Variants in WWOX observed in about 807,000 individuals in gnomAD.
The protein encoded by WWOX is WW domain containing oxidoreductase.
Under a neutral mutation model 46.2 loss-of-function variants are expected in WWOX, and 69 were observed. The ratio of observed to expected loss-of-function variants is 1.49; its 90% CI spans 1.23 to 1.82. WWOX has a LOEUF of 1.82. WWOX is among the 40% of genes most tolerant of loss of function. The pLI, the probability that WWOX is intolerant of heterozygous loss-of-function variation, is 0.00. For missense variants in WWOX, 919 were observed against 542.6 expected, an observed-to-expected ratio of 1.69 and a Z score of -6.89; for synonymous variants, 359 against 202.6, an observed-to-expected ratio of 1.77 and a Z score of -6.56.
intron 8 of WWOX, among the ~76,000 whole-genome samples, chr16:78,444,692 G>A (rs7192132): frequency 0.065 from 9,884 of 151,772 alleles, 503 homozygotes; most frequent in South Asian, 0.16. Flanking sequence ...CACCACACCC[G>A]GCTAATTTTT....
intron 6 of WWOX, among the ~76,000 whole-genome samples, chr16:78,419,446 TAATAA>T (rs1253951444): frequency 6.6e-6 from 1 of 151,902 alleles, no homozygotes; most frequent in African/African-American, 2.4e-5. Flanking sequence ...GATCTATAGA[TAATAA>T]AATAGACTTG....
chr16:78,152,660 C>G (rs937093881), intron 4 of WWOX, among the ~76,000 whole-genome samples: 1 of 150,226 alleles, frequency 6.7e-6, no homozygotes, highest in Non-Finnish European at 1.5e-5. Context: ...TCATTCCTAA[C>G]CAGGACTGTC....
chr16:78,244,826 C>T (rs1272884151), intron 5 of WWOX, among the ~76,000 whole-genome samples: 2 of 152,156 alleles, frequency 1.3e-5, no homozygotes, highest in African/African-American at 4.8e-5. Context: ...TTTCTTTCCC[C>T]CTTGGAGTTC....
At chr16:78,705,396 A>G (rs377195220) in intron 8 of WWOX, among the ~76,000 whole-genome samples, 9 of 152,344 alleles carry the variant, frequency 5.9e-5, no homozygotes, top group African/African-American at 2.2e-4. Context: ...TGGGGAGAAT[A>G]TAAAAACAAG....
At chr16:78,687,502 C>T (rs1029856288) in intron 8 of WWOX, among the ~76,000 whole-genome samples, 1 of 152,096 alleles carries the variant, frequency 6.6e-6, no homozygotes, top group African/African-American at 2.4e-5. Context: ...CTTCTCAGGG[C>T]GTCCTAATTG....
chr16:78,201,701 A>G (rs1015672531), intron 5 of WWOX, among the ~76,000 whole-genome samples: 2 of 150,716 alleles, frequency 1.3e-5, no homozygotes, highest in African/African-American at 4.9e-5. Flanking sequence ...TTATTTATTT[A>G]TTTATTTATT....
At chr16:79,008,495 AAG>A (rs1410363212) in intron 8 of WWOX, among the ~76,000 whole-genome samples, 3 of 152,056 alleles carry the variant, frequency 2.0e-5, no homozygotes, top group South Asian at 2.1e-4. Context: ...GCCCACACTC[AAG>A]AGAGGGGATT....
At chr16:78,186,670 C>T (rs925877122) in intron 5 of WWOX, among the ~76,000 whole-genome samples, 1 of 152,170 alleles carries the variant, frequency 6.6e-6, no homozygotes, top group Non-Finnish European at 1.5e-5. Context: ...GAGGCTGAGG[C>T]AGGAGAATTG....
chr16:78,686,851 C>A (rs2047873277), intron 8 of WWOX, among the ~76,000 whole-genome samples: 1 of 152,168 alleles, frequency 6.6e-6, no homozygotes, highest in South Asian at 2.1e-4. Context: ...GAAACTCACC[C>A]AGGAAGGCAG....
chr16:78,811,629 C>T (rs188647998), intron 8 of WWOX, among the ~76,000 whole-genome samples: 247 of 152,154 alleles, frequency 1.6e-3, no homozygotes, highest in African/African-American at 5.7e-3. Context: ...CCTCAGTCTC[C>T]CAAAGTGCTG....
At chr16:78,797,694 A>C (rs2050780046) in intron 8 of WWOX, among the ~76,000 whole-genome samples, 1 of 152,204 alleles carries the variant, frequency 6.6e-6, no homozygotes. Context: ...CTCCAGGCAA[A>C]AATCCACTGG....
intron 8 of WWOX, among the ~76,000 whole-genome samples, chr16:79,193,592 T>C (rs2051179894): frequency 1.3e-5 from 2 of 152,202 alleles, no homozygotes; most frequent in South Asian, 4.1e-4. Flanking sequence ...TCTCTGTGGA[T>C]AAAGTAAGCG....
intron 8 of WWOX, among the ~76,000 whole-genome samples, chr16:79,126,013 G>C (rs1279611344): frequency 2.0e-5 from 3 of 152,178 alleles, no homozygotes; most frequent in Non-Finnish European, 4.4e-5. Context: ...GTGCTTAGTA[G>C]ATGTTTACTG....
At chr16:78,705,304 G>T (rs1039641933) in intron 8 of WWOX, among the ~76,000 whole-genome samples, 1 of 152,112 alleles carries the variant, frequency 6.6e-6, no homozygotes, top group Non-Finnish European at 1.5e-5. Context: ...TATATTCATT[G>T]TTGCTTCCGG....
At position 79,211,958 on chromosome 16, in the gene WWOX, G is replaced by C. The variant is rs183921789; in HGVS notation, c.*162G>C. 544 of 1,536,214 alleles carry C rather than the reference G, an allele frequency of 3.5e-4. 3 individuals carry two copies. In the African/African-American group the frequency reaches 4.9e-3, roughly 14 times the overall value. On this transcript the variant is annotated 3_prime_UTR_variant, in exon 9 of 9. Coordinates refer to ENST00000566780, the MANE Select transcript of WWOX (RefSeq NM_016373.4). The stretch of plus-strand genomic sequence containing the variant: ...AGTGAAAAATCTTAAGTACCAATGG[G>C]AAGCAGGGAATTCCTGGGGTAAAGT...
At chr16:78,560,192 C>G (rs1465101) in intron 8 of WWOX, among the ~76,000 whole-genome samples, 3 of 152,252 alleles carry the variant, frequency 2.0e-5, no homozygotes, top group African/African-American at 7.2e-5. Context: ...TAAGTCAGTA[C>G]TACTGAAACA....
At chr16:78,317,048 CAGTA>C (rs1206446510) in intron 5 of WWOX, among the ~76,000 whole-genome samples, 1 of 152,112 alleles carries the variant, frequency 6.6e-6, no homozygotes, top group Non-Finnish European at 1.5e-5. Context: ...GAAGCCTGCA[CAGTA>C]AGTAGGCCAG....
intron 8 of WWOX, among the ~76,000 whole-genome samples, chr16:79,167,128 GA>G (rs2050610249): frequency 6.6e-6 from 1 of 152,056 alleles, no homozygotes; most frequent in Admixed American, 6.5e-5. Context: ...TTTTATTAGA[GA>G]CGGGGTTTTG....
At chr16:78,543,647 A>C (rs1361272211) in intron 8 of WWOX, among the ~76,000 whole-genome samples, 1 of 152,184 alleles carries the variant, frequency 6.6e-6, no homozygotes, top group Non-Finnish European at 1.5e-5. Flanking sequence ...TCTCAATATT[A>C]AACCCTCAGT....
Sources: gnomAD v4.1 joint callset for allele counts (sites outside exome capture counted in the v4.1 genomes callset) on GRCh38, gnomAD v4.1.1 for gene constraint, MANE v1.5 for transcripts, NCBI Gene and HGNC (gene_info 2026-07-23, HGNC 2026-07-21) for gene names.